The following CADPS2 variants were observed in gnomAD, a reference collection of about 807,000 sequenced individuals.
The protein encoded by CADPS2 is calcium-dependent secretion activator 2.
CADPS2 carries 93 observed loss-of-function variants against 172.5 expected under a neutral mutation model. That is an observed-to-expected ratio of 0.54 (90% CI 0.46 to 0.64). The LOEUF is 0.64. Among genes scored for constraint, CADPS2 ranks in the 30% least tolerant of loss-of-function variants. CADPS2 has a pLI of 0.00. For missense variants in CADPS2, 1,420 were observed against 1,565.9 expected (o/e 0.91, Z 1.57); for synonymous variants, 546 against 555.2 (o/e 0.98, Z 0.23).
intron 3 of CADPS2, among the ~76,000 whole-genome samples, chr7:122,658,670 G>C (rs555098224): frequency 4.6e-5 from 7 of 152,260 alleles, no homozygotes; most frequent in Admixed American, 2.0e-4. Context: ...TCACTCATAG[G>C]TGGGAATTGA....
chr7:122,520,654 G>A (rs540231263), intron 8 of CADPS2, among the ~76,000 whole-genome samples: 3 of 152,018 alleles, frequency 2.0e-5, no homozygotes, highest in East Asian at 3.9e-4. Flanking sequence ...TAAAGAACTC[G>A]CTTACCCAAA....
chr7:122,518,369 C>G (rs1005610208), intron 8 of CADPS2, among the ~76,000 whole-genome samples: 1 of 151,862 alleles, frequency 6.6e-6, no homozygotes, highest in African/African-American at 2.4e-5. Flanking sequence ...TAAATGTAAC[C>G]ATTTATTTGA....
intron 2 of CADPS2, among the ~76,000 whole-genome samples, chr7:122,727,932 T>C (rs144052838): frequency 4.2e-4 from 64 of 152,008 alleles, no homozygotes; most frequent in African/African-American, 1.5e-3. Flanking sequence ...ATTTAGAATA[T>C]CACTTCTCAT....
At chr7:122,389,314 T>A (rs528467902) in intron 22 of CADPS2, among the ~76,000 whole-genome samples, 1 of 152,170 alleles carries the variant, frequency 6.6e-6, no homozygotes, top group Admixed American at 6.6e-5. Flanking sequence ...TTCTGGCTTA[T>A]TAAAACCCAA....
intron 7 of CADPS2, among the ~76,000 whole-genome samples, chr7:122,572,269 T>C (rs1385056105): frequency 1.3e-5 from 2 of 152,148 alleles, no homozygotes; most frequent in Non-Finnish European, 2.9e-5. Context: ...ACTTTTATAT[T>C]TGTGGTACAA....
intron 8 of CADPS2, among the ~76,000 whole-genome samples, chr7:122,520,039 T>C (rs183442376): frequency 8.0e-4 from 122 of 152,130 alleles, no homozygotes; most frequent in Non-Finnish European, 1.5e-3. Context: ...GAGTCAACTA[T>C]TAATAAGGTA....
intron 2 of CADPS2, chr7:122,698,863 A>G: frequency 6.2e-7 from 1 of 1,611,630 alleles, no homozygotes; most frequent in Non-Finnish European, 8.5e-7. Context: ...ACTGAACTTC[A>G]TAAGCCAGGA....
At chr7:122,472,951 C>T (rs1190956342) in intron 13 of CADPS2, among the ~76,000 whole-genome samples, 1 of 151,980 alleles carries the variant, frequency 6.6e-6, no homozygotes, top group Non-Finnish European at 1.5e-5. Context: ...CAGAATGTAA[C>T]TTTATTGCAT....
intron 7 of CADPS2, among the ~76,000 whole-genome samples, chr7:122,555,733 A>G (rs2064957223): frequency 6.6e-6 from 1 of 152,136 alleles, no homozygotes; most frequent in African/African-American, 2.4e-5. Flanking sequence ...TAATATAACA[A>G]AACTAAGTCC....
intron 28 of CADPS2, among the ~76,000 whole-genome samples, chr7:122,342,286 T>C (rs2036902307): frequency 6.6e-6 from 1 of 152,158 alleles, no homozygotes; most frequent in Non-Finnish European, 1.5e-5. Flanking sequence ...CTTGAAGATA[T>C]CAATCTCATT....
chr7:122,334,135 T>C (rs1361634079), intron 28 of CADPS2, among the ~76,000 whole-genome samples: 3 of 152,158 alleles, frequency 2.0e-5, no homozygotes, highest in Admixed American at 1.3e-4. Context: ...TTTTAGGTGA[T>C]GAATGAAATA....
intron 1 of CADPS2, among the ~76,000 whole-genome samples, chr7:122,811,997 T>C (rs1800116030): frequency 1.3e-5 from 2 of 152,072 alleles, no homozygotes; most frequent in African/African-American, 4.8e-5. Flanking sequence ...GTATTCTCAG[T>C]CCTCAGTTAA....
At chr7:122,488,676 G>C (rs2058047885) in intron 11 of CADPS2, among the ~76,000 whole-genome samples, 1 of 152,228 alleles carries the variant, frequency 6.6e-6, no homozygotes, top group African/African-American at 2.4e-5. Flanking sequence ...TGATATCACA[G>C]TTTTATGCAA....
At chr7:122,382,253 TGAAG>T (rs2043108315) in intron 24 of CADPS2, 1 of 152,242 alleles carries the variant, frequency 6.6e-6, no homozygotes, top group Admixed American at 6.5e-5. Flanking sequence ...AGTTGTAGAA[TGAAG>T]GAACAAGGAT....
At chr7:122,730,904 C>T (rs2091574114) in intron 2 of CADPS2, among the ~76,000 whole-genome samples, 2 of 151,490 alleles carry the variant, frequency 1.3e-5, no homozygotes, top group African/African-American at 4.8e-5. Context: ...CAATTCAAGA[C>T]ATTTTGCAAA....
intron 1 of CADPS2, among the ~76,000 whole-genome samples, chr7:122,807,783 G>T (rs546404139): frequency 3.9e-5 from 6 of 152,070 alleles, no homozygotes; most frequent in Admixed American, 2.0e-4. Flanking sequence ...GGGGGCATTG[G>T]GGGAAGGTGG....
At chr7:122,506,242 T>C (rs886837173) in intron 9 of CADPS2, among the ~76,000 whole-genome samples, 1 of 152,184 alleles carries the variant, frequency 6.6e-6, no homozygotes, top group Non-Finnish European at 1.5e-5. Flanking sequence ...ACAAAGCTTA[T>C]ATAATTTACT....
intron 19 of CADPS2, among the ~76,000 whole-genome samples, chr7:122,410,862 T>C (rs1331195574): frequency 6.6e-6 from 1 of 152,226 alleles, no homozygotes; most frequent in Admixed American, 6.5e-5. Context: ...TCTAAAGGTT[T>C]TATAAACATC....
At chr7:122,590,103 T>G (rs2070527252) in intron 6 of CADPS2, among the ~76,000 whole-genome samples, 1 of 151,816 alleles carries the variant, frequency 6.6e-6, no homozygotes, top group Non-Finnish European at 1.5e-5. Context: ...TATGAAAATC[T>G]ACCCTAAAAT....
Sources: gnomAD v4.1 joint callset for allele counts (sites outside exome capture counted in the v4.1 genomes callset) on GRCh38, gnomAD v4.1.1 for gene constraint, MANE v1.5 for transcripts, NCBI Gene and HGNC (gene_info 2026-07-23, HGNC 2026-07-21) for gene names.